Variants in TRPM3 observed in about 807,000 individuals in gnomAD.
The protein encoded by TRPM3 is transient receptor potential cation channel subfamily M member 3, also known as long transient receptor potential channel 3.
TRPM3 carries 77 observed loss-of-function variants against 181.2 expected under a neutral mutation model. That is an observed-to-expected ratio of 0.42 (90% CI 0.35 to 0.51). The LOEUF is 0.51. Ranked by LOEUF, TRPM3 falls within the 20% of genes least tolerant of loss-of-function variation. The pLI is 0.01. For missense variants in TRPM3, 1,759 were observed against 2,196.7 expected, an observed-to-expected ratio of 0.80 and a Z score of 3.98; for synonymous variants, 745 against 796.4, an observed-to-expected ratio of 0.94 and a Z score of 1.09.
chr9:71,173,606 G>A (rs1331645703), intron 1 of TRPM3, among the ~76,000 whole-genome samples: 2 of 152,190 alleles, frequency 1.3e-5, no homozygotes, highest in Non-Finnish European at 2.9e-5. Flanking sequence ...ATTGAGGGAG[G>A]TGCATGAATT....
chr9:70,658,055 G>T (rs1316120104), intron 9 of TRPM3, among the ~76,000 whole-genome samples: 1 of 152,050 alleles, frequency 6.6e-6, no homozygotes, highest in African/African-American at 2.4e-5. Context: ...CCTAATAAAG[G>T]TTATAAAAGG....
intron 1 of TRPM3, among the ~76,000 whole-genome samples, chr9:71,129,330 G>A (rs2074235167): frequency 6.6e-6 from 1 of 152,122 alleles, no homozygotes; most frequent in Non-Finnish European, 1.5e-5. Context: ...TGAAATCAGG[G>A]AGAAACAGAT....
intron 7 of TRPM3, chr9:70,774,768 T>C (rs2081028468): frequency 6.6e-6 from 1 of 152,232 alleles, no homozygotes; most frequent in Non-Finnish European, 1.5e-5. Flanking sequence ...GAATGGACAC[T>C]TGCTTTGCAT....
In TRPM3 at chr9:71,420,517, AAAAGAG is replaced by A. The variant is rs935323258; in HGVS notation, c.183+26130_183+26135del. ...GCTTTCTCGCAGCAACAAAGAAAGA[AAAAGAG>A]AAAGAGAAAGAAAGAAAGAAAAAGA... On this transcript the variant is annotated intron_variant, in intron 1 of 24. Transcript: ENST00000357533. Among the ~76,000 whole-genome samples the A allele has an allele frequency of 3.3e-5, 5 of 151,738 alleles. No homozygotes were observed. In the East Asian group the frequency reaches 7.8e-4, roughly 24 times the overall value.
At chr9:70,831,022 T>C (rs2093858758) in intron 5 of TRPM3, among the ~76,000 whole-genome samples, 1 of 152,230 alleles carries the variant, frequency 6.6e-6, no homozygotes, top group Non-Finnish European at 1.5e-5. Flanking sequence ...AGCAGTCTGT[T>C]GGCAAAATAT....
At chr9:70,581,718 G>T (rs926141692) in intron 22 of TRPM3, among the ~76,000 whole-genome samples, 1 of 152,176 alleles carries the variant, frequency 6.6e-6, no homozygotes, top group Non-Finnish European at 1.5e-5. Context: ...CTTTGGAAAG[G>T]CCATAGTTAC....
intron 1 of TRPM3, among the ~76,000 whole-genome samples, chr9:71,155,546 G>A (rs2075957727): frequency 1.2e-5 from 1 of 83,556 alleles, no homozygotes; most frequent in Non-Finnish European, 2.4e-5. Flanking sequence ...GTAGAGATGG[G>A]TTTTCACCAC....
At chr9:71,041,476 A>T (rs1258192565) in intron 1 of TRPM3, among the ~76,000 whole-genome samples, 1 of 152,142 alleles carries the variant, frequency 6.6e-6, no homozygotes, top group Non-Finnish European at 1.5e-5. Context: ...ACAACATATC[A>T]GTGATGGTGG....
chr9:71,059,028 T>TTTTTTTG, intron 1 of TRPM3, among the ~76,000 whole-genome samples: 1 of 140,650 alleles, frequency 7.1e-6, no homozygotes, highest in Non-Finnish European at 1.5e-5. Flanking sequence ...TTTTTTTTTT[T>TTTTTTTG]TTTTTTTTTT....
At chr9:71,085,839 T>C (rs1201963603) in intron 1 of TRPM3, among the ~76,000 whole-genome samples, 4 of 152,042 alleles carry the variant, frequency 2.6e-5, no homozygotes, top group Non-Finnish European at 5.9e-5. Flanking sequence ...AGCAATTCCA[T>C]TGCTGGTTAT....
At chr9:71,063,743 C>A (rs894463069) in intron 1 of TRPM3, among the ~76,000 whole-genome samples, 3 of 151,978 alleles carry the variant, frequency 2.0e-5, no homozygotes, top group African/African-American at 7.2e-5. Flanking sequence ...ACTGAGAACA[C>A]CTGAGAATGC....
chr9:71,403,250 A>ACAATGG (rs1394399622), intron 1 of TRPM3, among the ~76,000 whole-genome samples: 3 of 152,236 alleles, frequency 2.0e-5, no homozygotes, highest in African/African-American at 7.2e-5. Context: ...CTTTCATGCT[A>ACAATGG]CAATGGCAGC....
At chr9:70,624,172 T>C (rs1321974673) in intron 14 of TRPM3, among the ~76,000 whole-genome samples, 1 of 152,200 alleles carries the variant, frequency 6.6e-6, no homozygotes, top group Non-Finnish European at 1.5e-5. Context: ...ATAAAATGTG[T>C]CAATATTTGG....
At chr9:71,446,636 C>T (rs1426969446) in intron 1 of TRPM3, 1 of 1,548,080 alleles carries the variant, frequency 6.5e-7, no homozygotes, top group Admixed American at 2.0e-5. Flanking sequence ...GACTGGGGCT[C>T]TCCCCCGGCC....
At chr9:70,962,624 T>C (rs1324372921) in intron 1 of TRPM3, among the ~76,000 whole-genome samples, 1 of 152,138 alleles carries the variant, frequency 6.6e-6, no homozygotes, top group African/African-American at 2.4e-5. Context: ...CCAAATCCTA[T>C]GCAACATAAA....
intron 1 of TRPM3, among the ~76,000 whole-genome samples, chr9:71,373,169 C>G (rs1434048789): frequency 1.3e-5 from 2 of 151,962 alleles, no homozygotes; most frequent in African/African-American, 4.8e-5. Context: ...CATGAGAAAG[C>G]TAGAACGATC....
At position 71,287,608 on chromosome 9, in the gene TRPM3, C is replaced by CCAGAATTA. The variant is rs1486344646; in HGVS notation, c.183+159037_183+159044dup. ...TTCAATGTACAAAAAAACTACAACT[C>CCAGAATTA]CAGAATTACAGAATGTGTCATTTAC... On this transcript the variant is annotated intron_variant, in intron 1 of 24. Coordinates refer to the TRPM3 transcript ENST00000357533. Among the ~76,000 whole-genome samples, 3 of 150,552 alleles carry CCAGAATTA rather than the reference C, an allele frequency of 2.0e-5. No individual in the cohort carries two copies. In the East Asian group the frequency reaches 5.8e-4, roughly 29 times the overall value.
chr9:71,016,135 C>T (rs1185554044), intron 1 of TRPM3, among the ~76,000 whole-genome samples: 13 of 57,100 alleles, frequency 2.3e-4, no homozygotes, highest in African/African-American at 3.1e-4. Context: ...AGGAGACTCC[C>T]TCTCAAAAAA....
At chr9:71,199,665 G>T (rs6560189) in intron 1 of TRPM3, among the ~76,000 whole-genome samples, 64,937 of 151,730 alleles carry the variant, frequency 0.43, 14,291 homozygotes, top group East Asian at 0.52. Flanking sequence ...TTGCGTAGAG[G>T]TGTTTGTAGT....
Sources: gnomAD v4.1 joint callset for allele counts (sites outside exome capture counted in the v4.1 genomes callset) on GRCh38, gnomAD v4.1.1 for gene constraint, MANE v1.5 for transcripts, NCBI Gene and HGNC (gene_info 2026-07-23, HGNC 2026-07-21) for gene names.